Variants in STOML3 observed in about 807,000 individuals in gnomAD.
STOML3 encodes the protein stomatin like 3.
STOML3 carries 31 observed loss-of-function variants against 29.5 expected under a neutral mutation model. The ratio of observed to expected loss-of-function variants is 1.05; its 90% CI spans 0.79 to 1.42. The LOEUF is 1.42. STOML3 is among the 40% of genes most tolerant of loss of function. The probability of loss-of-function intolerance (pLI) is 0.00; values close to 1 mark genes in which losing one functional copy is unlikely to be tolerated. For synonymous variants in STOML3, 122 were observed against 139.8 expected (o/e 0.87, Z 0.90); for missense variants, 380 against 363.0 (o/e 1.05, Z -0.38).
chr13:38,985,899 TTTC>T (rs1298928551), intron 1 of STOML3, among the ~76,000 whole-genome samples: 240 of 112,694 alleles, frequency 2.1e-3, no homozygotes, highest in Admixed American at 2.8e-3. Flanking sequence ...CTTTTTTTTT[TTTC>T]TTTTCTTTCT....
intron 1 of STOML3, among the ~76,000 whole-genome samples, chr13:38,985,340 TTGAAACCGGGAG>T (rs1392865950): frequency 2.6e-5 from 4 of 152,060 alleles, no homozygotes; most frequent in African/African-American, 9.7e-5. Context: ...GGTCAATCAC[TTGAAACCGGGAG>T]GCAGAGTTTG....
intron 1 of STOML3, among the ~76,000 whole-genome samples, chr13:38,984,185 C>T (rs1868417173): frequency 6.6e-6 from 1 of 152,258 alleles, no homozygotes; most frequent in African/African-American, 2.4e-5. Flanking sequence ...CAGTGTGGGT[C>T]TAGGTGATCC....
chr13:38,967,867 G>A (rs897003943), intron 6 of STOML3, among the ~76,000 whole-genome samples: 1 of 152,186 alleles, frequency 6.6e-6, no homozygotes, highest in Non-Finnish European at 1.5e-5. Context: ...CAGATTTCAA[G>A]GACATTCAGA....
intron 1 of STOML3, among the ~76,000 whole-genome samples, chr13:38,987,470 C>T (rs775702578): frequency 7.3e-5 from 11 of 151,536 alleles, no homozygotes; most frequent in South Asian, 6.3e-4. Context: ...CTAGCCTGGG[C>T]GACAGAGCAA....
At chr13:38,977,325 T>C (rs1010978533) in intron 1 of STOML3, among the ~76,000 whole-genome samples, 17 of 152,222 alleles carry the variant, frequency 1.1e-4, no homozygotes, top group African/African-American at 3.1e-4. Context: ...AGCATTAGGA[T>C]AGAAGACCAC....
At chr13:38,972,231 C>T (rs1421642397) in intron 4 of STOML3, among the ~76,000 whole-genome samples, 1 of 152,222 alleles carries the variant, frequency 6.6e-6, no homozygotes, top group Admixed American at 6.5e-5. Context: ...TCCATCCCAG[C>T]TTCCCTGCTA....
At position 38,976,556 on chromosome 13, in the gene STOML3, G is replaced by T. The variant is rs1211260243; in HGVS notation, c.213C>A (p.Asp71Glu). ...VVFRLGRIQA[D>E]KAKGPGLILV... is the part of the protein sequence containing the mutation. ...CATTCATACCTGGCCCCTTGGCTTTGTCAGCTTGGATGCGTCCCAGACGGA... is the reference window on the plus strand; with the variant it reads ...CATTCATACCTGGCCCCTTGGCTTTTTCAGCTTGGATGCGTCCCAGACGGA... The change falls in exon 3 of 7, where the codon GAC (aspartate) becomes GAA (glutamate). Residue 71 changes from aspartate to glutamate, a missense_variant. Asp to Glu is a conservative substitution (Grantham distance 45). Coordinates refer to ENST00000379631, the MANE Select transcript of STOML3 (RefSeq NM_145286.3). 6.2e-7 allele frequency: 1 copy of T among 1,614,190 alleles called. No homozygotes were observed. Among genetic ancestry groups the T allele is most frequent in the Non-Finnish European group, 8.5e-7 (1 of 1,180,036 alleles).
intron 1 of STOML3, among the ~76,000 whole-genome samples, chr13:38,979,486 T>TC (rs1434391114): frequency 1.3e-5 from 2 of 152,228 alleles, no homozygotes; most frequent in Non-Finnish European, 2.9e-5. Context: ...CATACATATA[T>TC]CTACATTTAG....
At chr13:38,988,060 A>G (rs1250645481) in intron 1 of STOML3, among the ~76,000 whole-genome samples, 4 of 104,186 alleles carry the variant, frequency 3.8e-5, no homozygotes, top group South Asian at 3.4e-4. Context: ...TATATAATAT[A>G]TTATATTTTA....
intron 5 of STOML3, 140 bp downstream of exon 5, chr13:38,970,045 C>T: frequency 1.5e-6 from 1 of 681,026 alleles, no homozygotes; most frequent in South Asian, 2.2e-5. Context: ...TGAAGCTCAC[C>T]TCTAGAGCAG....
chr13:38,980,019 G>A, intron 1 of STOML3: 1 of 1,546,160 alleles, frequency 6.5e-7, no homozygotes, highest in East Asian at 2.4e-5. Flanking sequence ...AGCTGCACAA[G>A]CAAGTGTTTG....
chr13:38,971,603 T>C (rs1041916601), intron 4 of STOML3, among the ~76,000 whole-genome samples: 6 of 152,184 alleles, frequency 3.9e-5, no homozygotes, highest in Non-Finnish European at 8.8e-5. Flanking sequence ...ATTTTGGTTA[T>C]TTACTTGTAG....
rs750703818 is a variant in STOML3, at chr13:38,966,839, G to A, written c.862C>T (p.Pro288Ser). 6.2e-7 allele frequency: 1 copy of A among 1,613,194 alleles called. No individual in the cohort carries two copies. The highest frequency in any genetic ancestry group is 1.1e-5 in the South Asian group (1 of 91,034). ...GVSYDNHKKL[P>S]NKA The stretch of plus-strand genomic sequence containing the variant: ...GCAAGAGGACCTCAGGCTTTATTTG[G>A]AAGCTTCTTGTGGTTATCATAGCTG... Residue 288 changes from proline (P) to serine (S), a missense_variant, in exon 7 of 7, where the codon CCA becomes TCA. Pro to Ser is a moderately conservative substitution (Grantham distance 74). Transcript: ENST00000379631.
intron 5 of STOML3, among the ~76,000 whole-genome samples, chr13:38,969,304 T>C (rs553323299): frequency 8.9e-4 from 136 of 152,244 alleles, no homozygotes; most frequent in Middle Eastern, 3.4e-3. Flanking sequence ...AAAGGATAGC[T>C]CCCCTAAAGA....
In STOML3 at chr13:38,976,687, G is replaced by C; in HGVS notation, c.156+7C>G. 1 of 1,613,808 alleles carries C rather than the reference G, an allele frequency of 6.2e-7. No homozygotes were observed. The highest frequency in any genetic ancestry group is 1.3e-5 in the African/African-American group (1 of 75,016). ...TAGATAGCCCAGTTTATTTCCCAGG[G>C]TGTTACCTTCAAGCACATCCATATG... On this transcript the variant is annotated splice_region_variant and intron_variant, in intron 2 of 6. Transcript: ENST00000379631.
chr13:38,983,441 C>A (rs1004924102), intron 1 of STOML3, among the ~76,000 whole-genome samples: 1 of 152,048 alleles, frequency 6.6e-6, no homozygotes, highest in Non-Finnish European at 1.5e-5. Context: ...TTTTCTTTTA[C>A]CAAATCGGAT....
rs1021703074 is a variant in STOML3 at position 38,966,565 on chromosome 13, C to T, written c.*260G>A. The T allele has an allele frequency of 7.0e-6, 2 of 287,184 alleles. No homozygotes were observed. Among genetic ancestry groups the T allele is most frequent in the Non-Finnish European group, 6.5e-6 (1 of 154,264 alleles). 17.8% of individuals were successfully genotyped at this position (287,184 alleles called of 1,614,324 possible). On this transcript the variant is annotated 3_prime_UTR_variant, in exon 7 of 7. Coordinates refer to ENST00000379631, the MANE Select transcript of STOML3 (RefSeq NM_145286.3). ...TACCAGAAAGTTCCTGCTATAAAGT[C>T]GGAGACCACCACTAATTAATTATAT...
intron 1 of STOML3, 78 bp downstream of exon 1, chr13:38,990,592 A>C: frequency 3.4e-6 from 5 of 1,456,758 alleles, no homozygotes; most frequent in Non-Finnish European, 4.8e-6. Context: ...TACTTACTCT[A>C]TACCTGTCTA....
intron 1 of STOML3, among the ~76,000 whole-genome samples, chr13:38,984,244 A>C (rs1201565769): frequency 6.6e-6 from 1 of 152,174 alleles, no homozygotes; most frequent in Admixed American, 6.5e-5. Flanking sequence ...TACCCCCTAC[A>C]GTAGAGAAAG....
Sources: allele counts gnomAD v4.1 joint callset (sites outside exome capture counted in the v4.1 genomes callset), GRCh38; gene constraint gnomAD v4.1.1; transcripts MANE v1.5; gene names NCBI Gene and HGNC (gene_info 2026-07-23, HGNC 2026-07-21).